Variants in NLK observed in about 807,000 individuals in gnomAD.
NLK encodes nemo like kinase, also known as serine/threonine-protein kinase NLK.
NLK carries 11 observed loss-of-function variants against 59.0 expected under a neutral mutation model. The ratio of observed to expected loss-of-function variants is 0.19; its 90% CI spans 0.12 to 0.31. The LOEUF (loss-of-function observed/expected upper bound fraction) is 0.31, where lower values mean the gene tolerates loss of function less well. Among genes scored for constraint, NLK ranks in the 10% least tolerant of loss-of-function variants. The pLI is 1.00. For missense variants in NLK, 410 were observed against 661.1 expected (o/e 0.62, Z 4.16); for synonymous variants, 235 against 235.9 (o/e 1.00, Z 0.03).
chr17:28,100,592 T>G (rs1346478806), intron 1 of NLK, among the ~76,000 whole-genome samples: 3 of 152,210 alleles, frequency 2.0e-5, no homozygotes, highest in Non-Finnish European at 4.4e-5. Context: ...ATTGGATTAT[T>G]TATTCTGGAT....
chr17:28,114,140 C>T (rs114824357), intron 1 of NLK, among the ~76,000 whole-genome samples: 1,855 of 152,088 alleles, frequency 0.012, 34 homozygotes, highest in African/African-American at 0.042. Context: ...ATATATTGAA[C>T]ATTCTGTTTG....
chr17:28,069,685 T>C (rs181385190), intron 1 of NLK, among the ~76,000 whole-genome samples: 3 of 152,304 alleles, frequency 2.0e-5, no homozygotes, highest in Admixed American at 1.3e-4. Context: ...TCTTTTTTTT[T>C]CCTGAAAATT....
At chr17:28,096,477 C>CA (rs112040335) in intron 1 of NLK, among the ~76,000 whole-genome samples, 1 of 152,092 alleles carries the variant, frequency 6.6e-6, no homozygotes, top group African/African-American at 2.4e-5. Flanking sequence ...AATATAGTCT[C>CA]AGATATCTAG....
chr17:28,086,588 A>G (rs1275293661), intron 1 of NLK, among the ~76,000 whole-genome samples: 1 of 152,132 alleles, frequency 6.6e-6, no homozygotes, highest in Non-Finnish European at 1.5e-5. Context: ...GAATTTTTAT[A>G]AAGATTTTGT....
At chr17:28,171,140 T>TA (rs955247542) in intron 6 of NLK, 1 of 152,208 alleles carries the variant, frequency 6.6e-6, no homozygotes, top group Non-Finnish European at 1.5e-5. Flanking sequence ...GTGTGGTTGT[T>TA]AGAGATCCAA....
chr17:28,191,364 G>A, intron 9 of NLK, 145 bp downstream of exon 9: 2 of 554,384 alleles, frequency 3.6e-6, no homozygotes, highest in Non-Finnish European at 3.1e-6. Flanking sequence ...TGTGTCCGGG[G>A]CATAACAAAG....
chr17:28,180,088 T>C (rs1162129026), intron 7 of NLK, among the ~76,000 whole-genome samples: 1 of 152,096 alleles, frequency 6.6e-6, no homozygotes, highest in Non-Finnish European at 1.5e-5. Flanking sequence ...TTTTAATCGT[T>C]GTCTTTCTGA....
the NLK span, among the ~76,000 whole-genome samples, chr17:28,201,826 G>A: frequency 2.0e-5 from 3 of 152,072 alleles, no homozygotes; most frequent in African/African-American, 7.2e-5. Context: ...GTCCAGCCTA[G>A]CCAACATGGC....
chr17:28,106,914 T>G (rs557077314), intron 1 of NLK, among the ~76,000 whole-genome samples: 1 of 152,256 alleles, frequency 6.6e-6, no homozygotes, highest in South Asian at 2.1e-4. Flanking sequence ...ATGTACTGGT[T>G]AATCCCAAAA....
chr17:28,105,830 T>C (rs1420913154), intron 1 of NLK, among the ~76,000 whole-genome samples: 1 of 152,224 alleles, frequency 6.6e-6, no homozygotes, highest in Non-Finnish European at 1.5e-5. Context: ...TTTACTCACT[T>C]AGAGTCGTTC....
chr17:28,088,954 G>T (rs577894023), intron 1 of NLK, among the ~76,000 whole-genome samples: 1 of 152,070 alleles, frequency 6.6e-6, no homozygotes, highest in Non-Finnish European at 1.5e-5. Flanking sequence ...CCCATACAAA[G>T]TATTGGTTCC....
intron 3 of NLK, among the ~76,000 whole-genome samples, chr17:28,155,655 T>C (rs1907674331): frequency 2.0e-5 from 3 of 152,102 alleles, no homozygotes; most frequent in Admixed American, 2.0e-4. Context: ...CTGGAAACCA[T>C]CATTCTCAGC....
downstream of NLK, chr17:28,196,390 A>G (rs1367212181): frequency 1.3e-5 from 2 of 152,624 alleles, no homozygotes; most frequent in African/African-American, 2.4e-5. Context: ...AAGATGTGTC[A>G]TCTGTTTTAT....
chr17:28,104,581 G>T (rs975869949), intron 1 of NLK, among the ~76,000 whole-genome samples: 3 of 151,968 alleles, frequency 2.0e-5, no homozygotes, highest in African/African-American at 7.2e-5. Flanking sequence ...ATTGGATGTT[G>T]TAAGTGGTAA....
intron 7 of NLK, among the ~76,000 whole-genome samples, chr17:28,174,159 A>G (rs1597722613): frequency 6.6e-6 from 1 of 152,204 alleles, no homozygotes; most frequent in Admixed American, 6.5e-5. Flanking sequence ...TTCTGTGAAA[A>G]TTTTAAAAAT....
intron 1 of NLK, among the ~76,000 whole-genome samples, chr17:28,076,116 G>A (rs2142761398): frequency 6.6e-6 from 1 of 152,270 alleles, no homozygotes; most frequent in East Asian, 1.9e-4. Context: ...AAAAAGGATT[G>A]TGAGCTCTTT....
At chr17:28,123,812 T>C (rs1906176389) in intron 2 of NLK, among the ~76,000 whole-genome samples, 1 of 152,196 alleles carries the variant, frequency 6.6e-6, no homozygotes, top group South Asian at 2.1e-4. Context: ...ACATGTAAAA[T>C]TTACCTGGAG....
intron 3 of NLK, among the ~76,000 whole-genome samples, chr17:28,153,652 G>A (rs756095404): frequency 6.6e-6 from 1 of 152,158 alleles, no homozygotes; most frequent in Non-Finnish European, 1.5e-5. Context: ...TTAATGCAGG[G>A]ATGGCAATTG....
At chr17:28,062,842 A>G (rs1382867568) in intron 1 of NLK, among the ~76,000 whole-genome samples, 2 of 152,154 alleles carry the variant, frequency 1.3e-5, no homozygotes, top group East Asian at 3.8e-4. Flanking sequence ...CAGCCTCCCA[A>G]AGTGTTGCGA....
Sources: gnomAD v4.1 joint callset for allele counts (sites outside exome capture counted in the v4.1 genomes callset) on GRCh38, gnomAD v4.1.1 for gene constraint, MANE v1.5 for transcripts, NCBI Gene and HGNC (gene_info 2026-07-23, HGNC 2026-07-21) for gene names.